POU3F3: variants seen among roughly 807,000 people sequenced by gnomAD.
POU3F3 encodes the protein POU class 3 homeobox 3, also known as POU domain, class 3, transcription factor 3.
In POU3F3, 1 loss-of-function variant was observed where a neutral mutation model predicts 8.6. The ratio of observed to expected loss-of-function variants is 0.12; its 90% confidence interval spans 0.04 to 0.55. POU3F3 has a LOEUF of 0.55. Among genes scored for constraint, POU3F3 ranks in the 20% least tolerant of loss-of-function variants. The probability of loss-of-function intolerance (pLI) is 0.91; values close to 1 mark genes in which losing one functional copy is unlikely to be tolerated. For missense variants in POU3F3, 577 were observed against 690.7 expected, an observed-to-expected ratio of 0.84 and a Z score of 1.84; for synonymous variants, 418 against 327.4, an observed-to-expected ratio of 1.28 and a Z score of -2.99.
the POU3F3 span, among the ~76,000 whole-genome samples, chr2:104,903,082 C>T: frequency 2.0e-5 from 3 of 152,138 alleles, no homozygotes; most frequent in Admixed American, 6.5e-5. Context: ...TTGTTCAACG[C>T]GTTCTATCAA....
chr2:104,859,900 G>A (rs969131995), downstream of POU3F3, among the ~76,000 whole-genome samples: 1 of 152,048 alleles, frequency 6.6e-6, no homozygotes, highest in Admixed American at 6.5e-5. Flanking sequence ...GGGGGTGGGG[G>A]AGAAGTTCAC....
chr2:104,881,448 G>A, the POU3F3 span, among the ~76,000 whole-genome samples: 2 of 152,050 alleles, frequency 1.3e-5, no homozygotes, highest in Admixed American at 1.3e-4. Flanking sequence ...TTACAGGCAT[G>A]AGCCCCCACA....
the POU3F3 span, among the ~76,000 whole-genome samples, chr2:104,885,208 A>AT: frequency 1.3e-5 from 2 of 152,190 alleles, no homozygotes; most frequent in Non-Finnish European, 2.9e-5. Flanking sequence ...CAATCCAAGC[A>AT]TTTTTTTGTG....
the POU3F3 span, among the ~76,000 whole-genome samples, chr2:104,881,567 C>T: frequency 2.5e-4 from 38 of 152,174 alleles, no homozygotes; most frequent in African/African-American, 8.7e-4. Flanking sequence ...GTCTCTCTCC[C>T]TCTCTCTCTA....
At chr2:104,881,121 A>C in the POU3F3 span, among the ~76,000 whole-genome samples, 2 of 142,064 alleles carry the variant, frequency 1.4e-5, no homozygotes, top group African/African-American at 2.6e-5. Context: ...TTTATTTCTT[A>C]CTTTCTTTCT....
chr2:104,885,605 T>C, the POU3F3 span, among the ~76,000 whole-genome samples: 1 of 152,162 alleles, frequency 6.6e-6, no homozygotes, highest in Non-Finnish European at 1.5e-5. Context: ...ACAAATGCCA[T>C]GGCAACCCAA....
At chr2:104,919,425 T>C in the POU3F3 span, among the ~76,000 whole-genome samples, 1 of 152,178 alleles carries the variant, frequency 6.6e-6, no homozygotes, top group Non-Finnish European at 1.5e-5. Context: ...CCAGCGCCAC[T>C]TCAGAGGCCC....
chr2:104,872,597 CT>C, the POU3F3 span: 1 of 285,290 alleles, frequency 3.5e-6, no homozygotes, highest in Non-Finnish European at 6.8e-6. The surrounding 1 kb of genome is among the most constrained non-coding windows in gnomAD (Gnocchi z 4.6). Context: ...CGCACTCGCT[CT>C]GCGCCCGGGT....
At chr2:104,866,496 A>G in the POU3F3 span, 2 of 152,160 alleles carry the variant, frequency 1.3e-5, no homozygotes, top group Non-Finnish European at 2.9e-5. Context: ...CAGGGAATGA[A>G]GCTTCCACCT....
At chr2:104,877,663 T>TC in the POU3F3 span, among the ~76,000 whole-genome samples, 4 of 148,446 alleles carry the variant, frequency 2.7e-5, no homozygotes, top group African/African-American at 9.8e-5. Flanking sequence ...TTTTTTTCTT[T>TC]TTTTTTTTTT....
the POU3F3 span, among the ~76,000 whole-genome samples, chr2:104,918,487 G>A: frequency 6.6e-6 from 1 of 152,148 alleles, no homozygotes; most frequent in Non-Finnish European, 1.5e-5. Flanking sequence ...TGGAGGGTGG[G>A]CCCTAATGCA....
rs1409487909 is a variant in POU3F3 at position 104,855,855 on chromosome 2, C to A, written c.345C>A (p.Ala115=). The part of the protein sequence containing the change: ...AAAAAAAAAA[A]VEASSPWSGS... Reference sequence around the variant, plus strand: ...CCGCCGCCGCTGCCGCCGCCGCCGCCGTGGAGGCGAGCTCGCCGTGGTCGG... The same window carrying A: ...CCGCCGCCGCTGCCGCCGCCGCCGCAGTGGAGGCGAGCTCGCCGTGGTCGG... Residue 115 remains alanine, a synonymous_variant, in exon 1 of 1, where the codon GCC becomes GCA. Coordinates refer to ENST00000361360, the MANE Select transcript of POU3F3 (RefSeq NM_006236.3). 9.3e-7 allele frequency: 1 copy of A among 1,078,784 alleles called. No homozygotes were observed. The highest frequency in any genetic ancestry group is 1.1e-6 in the Non-Finnish European group (1 of 895,500). 66.8% of individuals were successfully genotyped at this position (1,078,784 alleles called of 1,614,324 possible).
chr2:104,887,843 A>C, the POU3F3 span, among the ~76,000 whole-genome samples: 1 of 152,230 alleles, frequency 6.6e-6, no homozygotes, highest in Admixed American at 6.5e-5. Context: ...CACATGCAAA[A>C]GCATTTTATT....
chr2:104,910,654 T>C, the POU3F3 span, among the ~76,000 whole-genome samples: 1 of 152,212 alleles, frequency 6.6e-6, no homozygotes. Context: ...AATTCTACTG[T>C]TGTACCTGAA....
At chr2:104,896,617 G>A in the POU3F3 span, among the ~76,000 whole-genome samples, 1 of 133,260 alleles carries the variant, frequency 7.5e-6, no homozygotes, top group East Asian at 2.3e-4. Flanking sequence ...CTGAGGTTGT[G>A]CAGCTGAATC....
the POU3F3 span, among the ~76,000 whole-genome samples, chr2:104,889,861 T>C: frequency 6.6e-6 from 1 of 152,228 alleles, no homozygotes; most frequent in African/African-American, 2.4e-5. Flanking sequence ...AATTAACAGC[T>C]GTTTCTGATA....
the POU3F3 span, among the ~76,000 whole-genome samples, chr2:104,889,470 C>T: frequency 6.6e-6 from 1 of 152,150 alleles, no homozygotes; most frequent in Non-Finnish European, 1.5e-5. Flanking sequence ...GTGTGCAGGT[C>T]GGTTGCAGGT....
At chr2:104,905,993 A>G in the POU3F3 span, among the ~76,000 whole-genome samples, 8 of 152,216 alleles carry the variant, frequency 5.3e-5, no homozygotes, top group Non-Finnish European at 1.2e-4. Flanking sequence ...AGTCATGAAC[A>G]AATAGATGGG....
rs765841252 is a variant in POU3F3, at chr2:104,856,362, C to G, written c.852C>G (p.His284Gln). ...ACCACGCGCATCCTCACCCGCCGCA[C>G]CCGCACCACGCGCAGGGACCCCCGC... The part of the protein sequence containing the change: ...HHHHAHPHPP[H>Q]PHHAQGPPHH... Residue 284 changes from histidine (H) to glutamine (Q), a missense_variant, in exon 1 of 1, where the codon CAC (histidine) becomes CAG (glutamine). His to Gln is a conservative substitution (Grantham distance 24). Coordinates refer to ENST00000361360, the MANE Select transcript of POU3F3 (RefSeq NM_006236.3). The G allele has an allele frequency of 6.5e-7, 1 of 1,531,944 alleles. No individual in the cohort carries two copies. The highest frequency in any genetic ancestry group is 8.7e-7 in the Non-Finnish European group (1 of 1,143,136). 94.9% of individuals were successfully genotyped at this position (1,531,944 alleles called of 1,614,324 possible).
Sources: allele counts gnomAD v4.1 joint callset (sites outside exome capture counted in the v4.1 genomes callset), GRCh38; gene constraint gnomAD v4.1.1; non-coding constraint Gnocchi (gnomAD v3.1); transcripts MANE v1.5; gene names NCBI Gene and HGNC (gene_info 2026-07-23, HGNC 2026-07-21).